DPP6: variants seen among roughly 807,000 people sequenced by gnomAD.
DPP6 encodes the protein dipeptidyl peptidase like 6.
Under a neutral mutation model 122.6 loss-of-function variants are expected in DPP6, and 69 were observed. The ratio of observed to expected loss-of-function variants is 0.56; its 90% CI spans 0.46 to 0.69. The LOEUF is 0.69. Ranked by LOEUF, DPP6 falls within the 30% of genes least tolerant of loss-of-function variation. DPP6 has a pLI of 0.00. For synonymous variants in DPP6, 418 were observed against 433.1 expected (o/e 0.97, Z 0.43); for missense variants, 928 against 1,116.9 (o/e 0.83, Z 2.41).
At chr7:154,110,695 A>T (rs1181860315) in intron 1 of DPP6, among the ~76,000 whole-genome samples, 8 of 152,006 alleles carry the variant, frequency 5.3e-5, no homozygotes, top group Non-Finnish European at 8.8e-5. Context: ...ATTTCCTAGG[A>T]AGTTTGCAAA....
rs192881862 is a variant in DPP6 at position 154,586,676 on chromosome 7, G to A, written c.627+19760G>A. Among the ~76,000 whole-genome samples, 78 of 152,308 alleles carry A rather than the reference G, an allele frequency of 5.1e-4. No individual in the cohort carries two copies. The East Asian group carries it at 7.7e-3, about 15-fold the overall frequency. ...AAAAATTAGCCTGATTTGTCTAAGC[G>A]TCTGCCCATCGGGTTTTCCCTTACT... On this transcript the variant is annotated intron_variant, in intron 5 of 25. Transcript: ENST00000377770.
chr7:154,088,136 C>T (rs1320434358), intron 1 of DPP6, among the ~76,000 whole-genome samples: 3 of 152,188 alleles, frequency 2.0e-5, no homozygotes, highest in Non-Finnish European at 4.4e-5. Flanking sequence ...CCTGCCCCAG[C>T]ACCATTGGCT....
chr7:154,324,696 A>G (rs931599158), intron 1 of DPP6, among the ~76,000 whole-genome samples: 2 of 151,944 alleles, frequency 1.3e-5, no homozygotes, highest in African/African-American at 4.8e-5. Flanking sequence ...CAACATCCTG[A>G]ATCTTGTCCT....
chr7:154,626,533 A>G lies in DPP6; in HGVS notation c.628-11288A>G, dbSNP rs1792701381. ...TTCTCTATCAATGACCTGAACAACTAGGGATTGATCAGAAAAGAAGGAACT... is the reference window on the plus strand; with the variant it reads ...TTCTCTATCAATGACCTGAACAACTGGGGATTGATCAGAAAAGAAGGAACT... On this transcript the variant is annotated intron_variant, in intron 5 of 25. Coordinates refer to ENST00000377770, the MANE Select transcript of DPP6 (RefSeq NM_130797.4). Among the ~76,000 whole-genome samples the G allele has an allele frequency of 2.0e-5, 3 of 152,254 alleles. No individual in the cohort carries two copies. In the South Asian group the frequency reaches 6.2e-4, roughly 31 times the overall value.
chr7:154,152,277 C>A (rs556263801), intron 1 of DPP6, among the ~76,000 whole-genome samples: 1 of 152,186 alleles, frequency 6.6e-6, no homozygotes, highest in Non-Finnish European at 1.5e-5. Context: ...TGCTGCCTGT[C>A]CAGCACATGA....
chr7:154,424,686 A>G (rs974836172), intron 1 of DPP6, among the ~76,000 whole-genome samples: 4 of 152,210 alleles, frequency 2.6e-5, no homozygotes, highest in African/African-American at 9.7e-5. Context: ...GGTTCTGGGA[A>G]TTAGGATTTA....
intron 1 of DPP6, among the ~76,000 whole-genome samples, chr7:153,933,217 AT>A (rs532630309): frequency 2.0e-5 from 3 of 150,570 alleles, no homozygotes; most frequent in Non-Finnish European, 3.0e-5. Context: ...GGTAAACAAG[AT>A]TTTTTTTTTG....
intron 17 of DPP6, among the ~76,000 whole-genome samples, chr7:154,854,525 C>T (rs1815159): frequency 0.5 from 76,485 of 151,894 alleles, 19,681 homozygotes; most frequent in East Asian, 0.79. Context: ...AGGTGGAGGA[C>T]GAGGAACAGT....
chr7:153,765,402 C>T, the DPP6 span, among the ~76,000 whole-genome samples: 1 of 152,048 alleles, frequency 6.6e-6, no homozygotes, highest in African/African-American at 2.4e-5. Flanking sequence ...ATTAGCCAGG[C>T]ATGGTGGCGG....
At chr7:154,622,656 A>C (rs1373823030) in intron 5 of DPP6, among the ~76,000 whole-genome samples, 1 of 152,200 alleles carries the variant, frequency 6.6e-6, no homozygotes, top group African/African-American at 2.4e-5. Context: ...ATACACGTGG[A>C]TACCATAGCA....
At chr7:154,300,157 G>A (rs1032286255) in intron 1 of DPP6, among the ~76,000 whole-genome samples, 3 of 152,212 alleles carry the variant, frequency 2.0e-5, no homozygotes, top group Non-Finnish European at 4.4e-5. Flanking sequence ...GGCAAGACAA[G>A]CGGCTGCTGG....
intron 7 of DPP6, among the ~76,000 whole-genome samples, chr7:154,717,686 G>T (rs1280204005): frequency 6.6e-6 from 1 of 152,162 alleles, no homozygotes; most frequent in African/African-American, 2.4e-5. Flanking sequence ...TGCCTGTTGT[G>T]AATAGTGCTG....
intron 5 of DPP6, among the ~76,000 whole-genome samples, chr7:154,586,028 A>G (rs117561850): frequency 0.011 from 1,622 of 152,214 alleles, 14 homozygotes; most frequent in Non-Finnish European, 0.016. Flanking sequence ...CAGTGAGGGC[A>G]GGAGAGGGAT....
At chr7:154,378,269 G>A (rs1487365396) in intron 1 of DPP6, among the ~76,000 whole-genome samples, 1 of 152,184 alleles carries the variant, frequency 6.6e-6, no homozygotes, top group Non-Finnish European at 1.5e-5. Context: ...CATGAAAGCA[G>A]AAAGTAGAAT....
rs186295685 is a variant in DPP6 at position 154,034,618 on chromosome 7, C to T, written c.51+146884C>T. Reference sequence around the variant, plus strand: ...TTAAGATAACATTTGTTTTGGAGCTCGACAAGCATGACTCAGCAGTGTAAC... The same window carrying T: ...TTAAGATAACATTTGTTTTGGAGCTTGACAAGCATGACTCAGCAGTGTAAC... On this transcript the variant is annotated intron_variant, in intron 1 of 25. Coordinates refer to the DPP6 transcript ENST00000404039. Among the ~76,000 whole-genome samples, 494 of 152,162 alleles carry T rather than the reference C, an allele frequency of 3.2e-3. 5 individuals carry two copies. The highest frequency in any genetic ancestry group is 0.01 in the African/African-American group (427 of 41,510).
At chr7:154,020,806 A>G (rs1244471150) in intron 1 of DPP6, among the ~76,000 whole-genome samples, 1 of 152,160 alleles carries the variant, frequency 6.6e-6, no homozygotes, top group African/African-American at 2.4e-5. Flanking sequence ...GGTCTGGGGC[A>G]AAGCGGCAAG....
At chr7:154,225,562 GA>G (rs200719785) in intron 1 of DPP6, among the ~76,000 whole-genome samples, 2 of 149,122 alleles carry the variant, frequency 1.3e-5, no homozygotes, top group East Asian at 1.9e-4. Flanking sequence ...CTTAATCGAA[GA>G]AAAAAAATGA....
intron 16 of DPP6, among the ~76,000 whole-genome samples, chr7:154,848,360 C>T (rs183053565): frequency 2.7e-4 from 41 of 152,254 alleles, no homozygotes; most frequent in African/African-American, 9.9e-4. Context: ...TTATAATAGC[C>T]ATTCTCACAG....
rs1831649501 is a variant in DPP6 at position 154,576,061 on chromosome 7, C to A, written c.627+9145C>A. On this transcript the variant is annotated intron_variant, in intron 5 of 25. Coordinates refer to ENST00000377770, the MANE Select transcript of DPP6 (RefSeq NM_130797.4). ...GGCCGGCCCGCAGTGGAGGGGTTGT[C>A]ATAAGTGGCAGTTTGTGTCCATGAT... Among the ~76,000 whole-genome samples, 4 of 152,094 alleles carry A rather than the reference C, an allele frequency of 2.6e-5. No homozygotes were observed. The South Asian group carries it at 8.3e-4, about 32-fold the overall frequency.
Sources: gnomAD v4.1 joint callset for allele counts (sites outside exome capture counted in the v4.1 genomes callset) on GRCh38, gnomAD v4.1.1 for gene constraint, MANE v1.5 for transcripts, NCBI Gene and HGNC (gene_info 2026-07-23, HGNC 2026-07-21) for gene names.